SNX8: variants seen among roughly 807,000 people sequenced by gnomAD.
SNX8 encodes sorting nexin 8.
A neutral mutation model predicts 51.6 loss-of-function variants in SNX8; 25 were observed. That is an observed-to-expected ratio of 0.48 (90% CI 0.35 to 0.68). The LOEUF (loss-of-function observed/expected upper bound fraction) is 0.68, where lower values mean the gene tolerates loss of function less well. Among genes scored for constraint, SNX8 ranks in the 30% least tolerant of loss-of-function variants. SNX8 has a pLI of 0.00. For missense variants in SNX8, 695 were observed against 624.0 expected, an observed-to-expected ratio of 1.11 and a Z score of -1.21; for synonymous variants, 324 against 277.0, an observed-to-expected ratio of 1.17 and a Z score of -1.68.
chr7:2,292,681 G>T (rs2115169361), intron 1 of SNX8, among the ~76,000 whole-genome samples: 1 of 152,100 alleles, frequency 6.6e-6, no homozygotes, highest in Non-Finnish European at 1.5e-5. Flanking sequence ...GAAGTGCTGG[G>T]ATTACAGGCG....
At chr7:2,327,477 G>A (rs1030106776) in intron 1 of SNX8, among the ~76,000 whole-genome samples, 2 of 151,940 alleles carry the variant, frequency 1.3e-5, no homozygotes, top group African/African-American at 4.8e-5. Flanking sequence ...GCGCGATCTC[G>A]GCTCACTGCA....
chr7:2,256,719 C>T (rs1795187360), intron 10 of SNX8, among the ~76,000 whole-genome samples, 155 bp downstream of exon 10: 1 of 152,224 alleles, frequency 6.6e-6, no homozygotes, highest in Non-Finnish European at 1.5e-5. Flanking sequence ...CTAGAAGATC[C>T]GGGCGAGCAC....
At chr7:2,291,230 T>A (rs1475570958) in intron 1 of SNX8, among the ~76,000 whole-genome samples, 1 of 151,944 alleles carries the variant, frequency 6.6e-6, no homozygotes, top group Non-Finnish European at 1.5e-5. Context: ...AGCCCAGAAG[T>A]TCAAGGCTGC....
chr7:2,267,864 G>A, intron 5 of SNX8, among the ~76,000 whole-genome samples: 1 of 115,886 alleles, frequency 8.6e-6, no homozygotes, highest in African/African-American at 3.6e-5. Context: ...TCTAGGAAGT[G>A]AGGAGCGCCT....
chr7:2,352,065 G>A (rs1377543528), intron 1 of SNX8, among the ~76,000 whole-genome samples: 1 of 151,738 alleles, frequency 6.6e-6, no homozygotes, highest in Non-Finnish European at 1.5e-5. Context: ...GTGCCACCAT[G>A]CCTGGCTAAT....
At chr7:2,289,800 A>G (rs975024929) in intron 1 of SNX8, among the ~76,000 whole-genome samples, 3 of 152,160 alleles carry the variant, frequency 2.0e-5, no homozygotes, top group Non-Finnish European at 2.9e-5. Context: ...GCACGCACCT[A>G]TAGTCCCAGC....
intron 4 of SNX8, among the ~76,000 whole-genome samples, chr7:2,270,258 G>A (rs942845770): frequency 8.3e-6 from 1 of 121,004 alleles, no homozygotes; most frequent in African/African-American, 3.1e-5. Flanking sequence ...TGCGTGTCCA[G>A]GAATTCTCAG....
upstream of SNX8, among the ~76,000 whole-genome samples, chr7:2,317,089 G>T (rs1261064147): frequency 6.6e-6 from 1 of 151,796 alleles, no homozygotes; most frequent in Non-Finnish European, 1.5e-5. Context: ...CCAGAGTTAG[G>T]GCTGGAGGAA....
chr7:2,327,619 G>T (rs1778647687), intron 1 of SNX8, among the ~76,000 whole-genome samples: 1 of 151,830 alleles, frequency 6.6e-6, no homozygotes, highest in Admixed American at 6.6e-5. Flanking sequence ...GTGTTAGCCA[G>T]GATGGTCTCG....
intron 7 of SNX8, among the ~76,000 whole-genome samples, chr7:2,258,033 G>A (rs1795236533): frequency 7.4e-6 from 1 of 135,632 alleles, no homozygotes; most frequent in African/African-American, 2.9e-5. Context: ...TTTTTGAGTC[G>A]GAGTCTTCGC....
At chr7:2,291,584 C>A (rs193163097) in intron 1 of SNX8, among the ~76,000 whole-genome samples, 2 of 149,622 alleles carry the variant, frequency 1.3e-5, no homozygotes, top group African/African-American at 2.5e-5. Flanking sequence ...GGTTATAGAG[C>A]GAGACTCGGT....
intron 1 of SNX8, among the ~76,000 whole-genome samples, chr7:2,281,524 G>A (rs1484691998): frequency 2.0e-5 from 3 of 151,972 alleles, no homozygotes; most frequent in Non-Finnish European, 2.9e-5. Context: ...GGAGGAGCCC[G>A]GCTTTCTGCA....
chr7:2,349,232 AT>A (rs1201683531), intron 1 of SNX8, among the ~76,000 whole-genome samples: 1 of 151,686 alleles, frequency 6.6e-6, no homozygotes, highest in Non-Finnish European at 1.5e-5. Flanking sequence ...AGTAAAAAAA[AT>A]GCGTAATATT....
intron 10 of SNX8, among the ~76,000 whole-genome samples, chr7:2,256,540 C>G (rs1795182539): frequency 6.6e-6 from 1 of 152,242 alleles, no homozygotes; most frequent in Non-Finnish European, 1.5e-5. Flanking sequence ...CTGCGGCGCT[C>G]CGAAGCGCTA....
intron 1 of SNX8, among the ~76,000 whole-genome samples, chr7:2,351,986 C>A (rs1369914378): frequency 7.3e-6 from 1 of 137,268 alleles, no homozygotes; most frequent in Non-Finnish European, 1.5e-5. Flanking sequence ...CCGCTCACTA[C>A]GCCCTCTGCC....
chr7:2,285,068 C>T (rs544622716), intron 1 of SNX8, among the ~76,000 whole-genome samples: 189 of 151,980 alleles, frequency 1.2e-3, no homozygotes, highest in African/African-American at 4.5e-3. Context: ...AAAAATTAGC[C>T]GGGTGTGGTG....
chr7:2,260,929 TC>T (rs1795319738), intron 7 of SNX8, among the ~76,000 whole-genome samples: 1 of 152,158 alleles, frequency 6.6e-6, no homozygotes, highest in Admixed American at 6.5e-5. Context: ...AAATGCGGCA[TC>T]CAGGGCTGAA....
chr7:2,347,475 T>C lies in SNX8; in HGVS notation c.-66+6747A>G, dbSNP rs1219867579. Among the ~76,000 whole-genome samples, 11 of 89,358 alleles carry C rather than the reference T, an allele frequency of 1.2e-4. No individual in the cohort carries two copies. The Admixed American group carries it at 1.6e-3, about 13-fold the overall frequency. 58.6% of individuals were successfully genotyped at this position (89,358 alleles called of 152,430 possible). A position where few individuals can be genotyped will look rare whatever the true frequency, so the allele number is the denominator to read the frequency against. ...CAGCTTGGGCGACAGAGCAAGATGCTGTCTCAAAAAAAAAAAAAAAAAAAG... is the reference window on the plus strand; with the variant it reads ...CAGCTTGGGCGACAGAGCAAGATGCCGTCTCAAAAAAAAAAAAAAAAAAAG... On this transcript the variant is annotated intron_variant, in intron 1 of 5. Coordinates refer to the SNX8 transcript ENST00000435336.
At chr7:2,266,080 G>A (rs1795455995) in intron 5 of SNX8, among the ~76,000 whole-genome samples, 1 of 152,206 alleles carries the variant, frequency 6.6e-6, no homozygotes, top group South Asian at 2.1e-4. Flanking sequence ...TTGCACCACT[G>A]CACTATAGCC....
Sources: allele counts gnomAD v4.1 joint callset (sites outside exome capture counted in the v4.1 genomes callset), GRCh38; gene constraint gnomAD v4.1.1; transcripts MANE v1.5; gene names NCBI Gene and HGNC (gene_info 2026-07-23, HGNC 2026-07-21).